TRPM3: variants seen among roughly 807,000 people sequenced by gnomAD.
TRPM3 encodes long transient receptor potential channel 3.
A neutral mutation model predicts 181.2 loss-of-function variants in TRPM3; 77 were observed. That is an observed-to-expected ratio of 0.42 (90% CI 0.35 to 0.51). The LOEUF (loss-of-function observed/expected upper bound fraction) is 0.51, where lower values mean the gene tolerates loss of function less well. Ranked by LOEUF, TRPM3 falls within the 20% of genes least tolerant of loss-of-function variation. The probability of loss-of-function intolerance (pLI) is 0.01; values close to 1 mark genes in which losing one functional copy is unlikely to be tolerated. For missense variants in TRPM3, 1,759 were observed against 2,196.7 expected, an observed-to-expected ratio of 0.80 and a Z score of 3.98; for synonymous variants, 745 against 796.4, an observed-to-expected ratio of 0.94 and a Z score of 1.09.
intron 12 of TRPM3, among the ~76,000 whole-genome samples, chr9:70,632,048 T>C (rs1055877809): frequency 1.3e-5 from 2 of 152,204 alleles, no homozygotes; most frequent in Admixed American, 6.6e-5. Context: ...ATTAATTTTG[T>C]CCAGGTTAAA....
chr9:71,092,539 G>T (rs1432973635), intron 1 of TRPM3, among the ~76,000 whole-genome samples: 2 of 151,622 alleles, frequency 1.3e-5, no homozygotes, highest in Non-Finnish European at 2.9e-5. Flanking sequence ...CGAAATTTTG[G>T]GATCTGGTTA....
At chr9:71,307,608 A>G (rs2087481833) in intron 1 of TRPM3, among the ~76,000 whole-genome samples, 1 of 152,116 alleles carries the variant, frequency 6.6e-6, no homozygotes, top group African/African-American at 2.4e-5. Context: ...TATGTGTATT[A>G]TAATTAGATT....
At chr9:71,030,802 C>G (rs1243613543) in intron 1 of TRPM3, among the ~76,000 whole-genome samples, 1 of 152,022 alleles carries the variant, frequency 6.6e-6, no homozygotes, top group Admixed American at 6.6e-5. Context: ...GCAGTTTTAC[C>G]TGGGCTACAA....
chr9:70,816,033 TAAC>T (rs2092659004), intron 6 of TRPM3, among the ~76,000 whole-genome samples: 1 of 152,204 alleles, frequency 6.6e-6, no homozygotes, highest in African/African-American at 2.4e-5. Flanking sequence ...TTTGTTCACT[TAAC>T]AAGATGGAAA....
intron 1 of TRPM3, among the ~76,000 whole-genome samples, chr9:71,347,581 C>T (rs1210584661): frequency 6.6e-6 from 1 of 151,720 alleles, no homozygotes; most frequent in Non-Finnish European, 1.5e-5. Context: ...TTTTTTGCTC[C>T]CCAGACAATA....
intron 1 of TRPM3, among the ~76,000 whole-genome samples, chr9:71,427,379 G>A (rs897981873): frequency 6.6e-6 from 1 of 152,098 alleles, no homozygotes; most frequent in Admixed American, 6.5e-5. Context: ...TCCAGAGGAT[G>A]GGACCCAGTA....
rs923340237 is a variant in TRPM3, at chr9:70,531,065, ATCTGCGCACT to A, written c.*4878_*4887del. The A allele has an allele frequency of 1.8e-4, 28 of 152,346 alleles. No individual in the cohort carries two copies. Among genetic ancestry groups the A allele is most frequent in the Admixed American group, 1.5e-3 (23 of 15,294 alleles). The allele number at this position is 152,346 out of a possible 1,614,324, so 9.4% of individuals were successfully genotyped here. A position where few individuals can be genotyped will look rare whatever the true frequency, so the allele number is the denominator to read the frequency against. On this transcript the variant is annotated 3_prime_UTR_variant, in exon 26 of 26. Coordinates refer to ENST00000677713, the MANE Select transcript of TRPM3 (RefSeq NM_001366145.2). ...ATCATTGGATCACACATTCACAGCG[ATCTGCGCACT>A]TCTGCACTATCACAAATGGACTTTT... is the stretch of plus-strand genomic sequence containing the variant.
chr9:71,348,472 A>G (rs1209193684), intron 1 of TRPM3, among the ~76,000 whole-genome samples: 1 of 148,830 alleles, frequency 6.7e-6, no homozygotes, highest in Non-Finnish European at 1.5e-5. Flanking sequence ...TTTTTTTTGC[A>G]GATAGAGAAA....
Position 70,552,869 on chromosome 9 carries a change from G to C in TRPM3, c.3549C>G (p.Asp1183Glu). ...TCAGGCCGTAGTCCCTTTCATCCGG[G>C]TCGCTCTCGTGTTTCCTCCATCGGC... ...LCCRWRKHES[D>E]PDERDYGLKL... The change falls in exon 24 of 26, where the codon GAC (aspartate) becomes GAG (glutamate). Residue 1183 changes from aspartate (D) to glutamate (E), a missense_variant. Asp to Glu is a conservative substitution (Grantham distance 45). Transcript: ENST00000677713. 1.2e-6 allele frequency: 2 copies of C among 1,614,092 alleles called. No homozygotes were observed. The highest frequency in any genetic ancestry group is 1.7e-6 in the Non-Finnish European group (2 of 1,180,022).
intron 1 of TRPM3, among the ~76,000 whole-genome samples, chr9:71,221,854 G>A (rs4745074): frequency 0.4 from 61,351 of 152,052 alleles, 13,216 homozygotes; most frequent in East Asian, 0.52. Flanking sequence ...CTTGAGGGAG[G>A]TGGATGAAGG....
intron 1 of TRPM3, among the ~76,000 whole-genome samples, chr9:71,150,940 G>A (rs75751966): frequency 0.025 from 3,807 of 152,218 alleles, 153 homozygotes; most frequent in African/African-American, 0.087. Flanking sequence ...ATATATAGGA[G>A]TTTGGTTTAT....
chr9:70,661,919 C>G (rs909831227), intron 9 of TRPM3, among the ~76,000 whole-genome samples: 3 of 152,070 alleles, frequency 2.0e-5, no homozygotes, highest in African/African-American at 7.2e-5. Flanking sequence ...CTAGAAAAAA[C>G]AATCCTAAAT....
intron 1 of TRPM3, among the ~76,000 whole-genome samples, chr9:70,962,701 AC>A (rs1275800097): frequency 1.3e-5 from 2 of 152,186 alleles, no homozygotes; most frequent in African/African-American, 4.8e-5. Flanking sequence ...ACAGTAAGAG[AC>A]AAACAACAAT....
chr9:70,686,611 G>T (rs7469647), intron 8 of TRPM3, among the ~76,000 whole-genome samples: 32,326 of 65,728 alleles, frequency 0.49, 6,455 homozygotes, highest in East Asian at 0.6. Flanking sequence ...CCTCCCTCCC[G>T]CCCTTCCTGG....
chr9:71,281,330 T>C (rs2084690093), intron 1 of TRPM3, among the ~76,000 whole-genome samples: 1 of 152,210 alleles, frequency 6.6e-6, no homozygotes, highest in African/African-American at 2.4e-5. Context: ...GAACAGTTCA[T>C]AAGCACCTGG....
intron 25 of TRPM3, among the ~76,000 whole-genome samples, chr9:70,548,054 T>C (rs189538271): frequency 6.6e-5 from 10 of 152,340 alleles, no homozygotes; most frequent in Admixed American, 3.3e-4. Context: ...TCCAGGTCTA[T>C]GGCTTTTCTG....
intron 1 of TRPM3, among the ~76,000 whole-genome samples, chr9:71,080,208 A>AAATAAATAAATAAAT (rs371580814): frequency 5.7e-5 from 8 of 139,442 alleles, no homozygotes; most frequent in African/African-American, 2.1e-4. Flanking sequence ...ATAAATAAAT[A>AAATAAATAAATAAAT]AAATAAAAAG....
chr9:70,659,882 T>A (rs1351276411), intron 9 of TRPM3, among the ~76,000 whole-genome samples: 1 of 152,340 alleles, frequency 6.6e-6, no homozygotes, highest in Non-Finnish European at 1.5e-5. Context: ...TTTACATACA[T>A]AAGCCACTTT....
At chr9:71,290,316 A>C (rs1045174624) in intron 1 of TRPM3, among the ~76,000 whole-genome samples, 2 of 149,766 alleles carry the variant, frequency 1.3e-5, no homozygotes, top group Admixed American at 1.3e-4. Flanking sequence ...TCAGAATACC[A>C]AAAAAAGAAA....
Sources: gnomAD v4.1 joint callset for allele counts (sites outside exome capture counted in the v4.1 genomes callset) on GRCh38, gnomAD v4.1.1 for gene constraint, MANE v1.5 for transcripts, NCBI Gene and HGNC (gene_info 2026-07-23, HGNC 2026-07-21) for gene names.